TRDN: variants seen among roughly 807,000 people sequenced by gnomAD.
The protein encoded by TRDN is triadin in skeletal muscle.
In TRDN, 161 loss-of-function variants were observed where a neutral mutation model predicts 149.7. The ratio of observed to expected loss-of-function variants is 1.08; its 90% CI spans 0.95 to 1.23. The LOEUF (loss-of-function observed/expected upper bound fraction) is 1.23. TRDN is among the 50% of genes most tolerant of loss of function. TRDN has a pLI of 0.00. For synonymous variants in TRDN, 294 were observed against 250.5 expected (o/e 1.17, Z -1.64); for missense variants, 896 against 823.5 (o/e 1.09, Z -1.08).
chr6:123,501,455 A>T (rs922494549), intron 8 of TRDN, among the ~76,000 whole-genome samples: 1 of 151,454 alleles, frequency 6.6e-6, no homozygotes, highest in East Asian at 2.0e-4. Context: ...AATTTTCAAA[A>T]CCAAAGCCTC....
chr6:123,259,969 T>C (rs1314118574), intron 34 of TRDN, among the ~76,000 whole-genome samples: 1 of 151,666 alleles, frequency 6.6e-6, no homozygotes, highest in African/African-American at 2.4e-5. Context: ...CTTTTTTTCC[T>C]CCTCCTATTT....
At chr6:123,226,646 T>G (rs532647439) in intron 38 of TRDN, among the ~76,000 whole-genome samples, 1 of 151,928 alleles carries the variant, frequency 6.6e-6, no homozygotes, top group Admixed American at 6.6e-5. Context: ...GCTATAGAGA[T>G]GCATTTTCTG....
At chr6:123,633,069 C>G (rs1405653741) in intron 1 of TRDN, among the ~76,000 whole-genome samples, 1 of 151,940 alleles carries the variant, frequency 6.6e-6, no homozygotes, top group Non-Finnish European at 1.5e-5. Flanking sequence ...TCTCCTGAAG[C>G]CTGAGGTTAT....
At chr6:123,618,215 TG>T (rs1299950681) in intron 1 of TRDN, among the ~76,000 whole-genome samples, 1 of 152,194 alleles carries the variant, frequency 6.6e-6, no homozygotes, top group African/African-American at 2.4e-5. Context: ...ATTCTGTACT[TG>T]GAAGTCCAAC....
intron 4 of TRDN, among the ~76,000 whole-genome samples, chr6:123,534,691 G>A (rs1020219847): frequency 7.2e-5 from 11 of 152,088 alleles, no homozygotes; most frequent in African/African-American, 2.7e-4. Context: ...GAAATTTATT[G>A]TCCAACAATC....
intron 16 of TRDN, among the ~76,000 whole-genome samples, chr6:123,378,144 C>T (rs1294619681): frequency 1.3e-5 from 2 of 151,550 alleles, no homozygotes; most frequent in Admixed American, 1.3e-4. Flanking sequence ...GAATTTTTTA[C>T]AGATGATAAA....
chr6:123,307,912 G>A (rs931476176), intron 24 of TRDN, among the ~76,000 whole-genome samples: 1 of 151,884 alleles, frequency 6.6e-6, no homozygotes, highest in Non-Finnish European at 1.5e-5. Context: ...TGTTACCTGG[G>A]TATATCGTGT....
In TRDN at chr6:123,351,814, A is replaced by G. The variant is rs1002908216; in HGVS notation, c.1369+725T>C. Reference sequence around the variant, plus strand: ...TTATTACAATAAATATAGTATTATTATATAAGAGCAATGACATGAGGGAAC... The same window carrying G: ...TTATTACAATAAATATAGTATTATTGTATAAGAGCAATGACATGAGGGAAC... On this transcript the variant is annotated intron_variant, in intron 21 of 40. Transcript: ENST00000334268. 3 of 924,416 alleles carry G rather than the reference A, an allele frequency of 3.2e-6. No homozygotes were observed. The African/African-American group carries it at 5.4e-5, about 17-fold the overall frequency. 57.3% of individuals were successfully genotyped at this position (924,416 alleles called of 1,614,324 possible). A position where few individuals can be genotyped will look rare whatever the true frequency, so the allele number is the denominator to read the frequency against.
At chr6:123,284,946 T>C (rs1777747575) in intron 24 of TRDN, among the ~76,000 whole-genome samples, 1 of 151,916 alleles carries the variant, frequency 6.6e-6, no homozygotes, top group Admixed American at 6.6e-5. Context: ...CTTAGAAATA[T>C]ACCTAACCAA....
intron 1 of TRDN, among the ~76,000 whole-genome samples, chr6:123,574,873 T>TAC (rs1484129040): frequency 2.4e-5 from 3 of 125,858 alleles, no homozygotes; most frequent in East Asian, 4.4e-4. Flanking sequence ...TATATATATA[T>TAC]ATATATATAT....
At chr6:123,446,241 T>A (rs571870892) in intron 10 of TRDN, among the ~76,000 whole-genome samples, 1,344 of 101,600 alleles carry the variant, frequency 0.013, 19 homozygotes, top group African/African-American at 0.047. Flanking sequence ...TGTTGTGGGG[T>A]GGGGGGAGTG....
intron 21 of TRDN, chr6:123,351,883 C>T (rs1015524406): frequency 2.0e-6 from 2 of 984,790 alleles, no homozygotes; most frequent in African/African-American, 3.5e-5. Context: ...AGAGAAGCCA[C>T]ATCACTTTAA....
chr6:123,427,285 T>A (rs78068015), intron 12 of TRDN, among the ~76,000 whole-genome samples: 1 of 151,790 alleles, frequency 6.6e-6, no homozygotes, highest in East Asian at 1.9e-4. Flanking sequence ...CTTTTGTTTT[T>A]TTTTTTTAAT....
chr6:123,575,537 G>A (rs1469523419), intron 1 of TRDN, among the ~76,000 whole-genome samples: 2 of 152,074 alleles, frequency 1.3e-5, no homozygotes, highest in East Asian at 1.9e-4. Flanking sequence ...TTGAAAGTTG[G>A]TATCTCAGAA....
At position 123,377,699 on chromosome 6, in the gene TRDN, A is replaced by G. The variant is rs781403137; in HGVS notation, c.1246+17T>C. 6.2e-7 allele frequency: 1 copy of G among 1,613,120 alleles called. No individual in the cohort carries two copies. The highest frequency in any genetic ancestry group is 8.5e-7 in the Non-Finnish European group (1 of 1,179,554). ...GGACATGAGTATTCGGAATCCAGCA[A>G]CAGTGGTCTTACTCACCTGAGTGTT... is the stretch of plus-strand genomic sequence containing the variant. On this transcript the variant is annotated intron_variant, in intron 18 of 40. Coordinates refer to ENST00000334268, the MANE Select transcript of TRDN (RefSeq NM_006073.4).
intron 38 of TRDN, among the ~76,000 whole-genome samples, chr6:123,239,282 A>G (rs758385731): frequency 3.3e-5 from 5 of 152,226 alleles, no homozygotes; most frequent in Admixed American, 6.5e-5. Flanking sequence ...TGATTAAACT[A>G]CAGGGATAAA....
chr6:123,249,626 G>T (rs572810407), intron 38 of TRDN, among the ~76,000 whole-genome samples: 44 of 152,092 alleles, frequency 2.9e-4, no homozygotes, highest in Non-Finnish European at 5.1e-4. Context: ...CATGTATTTT[G>T]CAGCAACATG....
rs1043391610 is a variant in TRDN, at chr6:123,509,617, G to T, written c.610+2686C>A. ...TGGTGCTTCCTCAGTTGAAACTAAA[G>T]ATGAGACTGAAGTCCTAGTTAACAC... is the stretch of plus-strand genomic sequence containing the variant. On this transcript the variant is annotated intron_variant, in intron 7 of 40. Transcript: ENST00000334268. 7.2e-5 allele frequency: 11 copies of T among 152,220 alleles called. 1 individual carries two copies. The South Asian group carries it at 8.3e-4, about 11-fold the overall frequency. The allele number at this position is 152,220 out of a possible 1,614,324, so 9.4% of individuals were successfully genotyped here. A position where few individuals can be genotyped will look rare whatever the true frequency, so the allele number is the denominator to read the frequency against.
intron 9 of TRDN, chr6:123,488,583 A>G (rs1260598856): frequency 4.6e-5 from 7 of 152,126 alleles, no homozygotes; most frequent in Non-Finnish European, 8.8e-5. Context: ...GATAGCTCTA[A>G]AAGTATCTTA....
Sources: allele counts gnomAD v4.1 joint callset (sites outside exome capture counted in the v4.1 genomes callset), GRCh38; gene constraint gnomAD v4.1.1; transcripts MANE v1.5; gene names NCBI Gene and HGNC (gene_info 2026-07-23, HGNC 2026-07-21).